Variants in CLTCL1 observed in about 807,000 individuals in gnomAD.
CLTCL1 encodes the protein clathrin heavy chain like 1.
In CLTCL1, 159 loss-of-function variants were observed where a neutral mutation model predicts 190.0. That is an observed-to-expected ratio of 0.84 (90% confidence interval 0.74 to 0.95). CLTCL1 has a LOEUF of 0.95. Among genes scored for constraint, CLTCL1 ranks in the 40% least tolerant of loss-of-function variants. The pLI, the probability that CLTCL1 is intolerant of heterozygous loss-of-function variation, is 0.00. For synonymous variants in CLTCL1, 752 were observed against 769.6 expected (o/e 0.98, Z 0.38); for missense variants, 1,878 against 2,033.4 (o/e 0.92, Z 1.47).
chr22:19,257,884 C>T, intron 2 of CLTCL1: 1 of 1,389,202 alleles, frequency 7.2e-7, no homozygotes, highest in South Asian at 1.1e-5. Flanking sequence ...AAGAAGAGAC[C>T]CCAGGTCAGA....
In CLTCL1 at chr22:19,209,062, C is replaced by T. The variant is rs1555944906; in HGVS notation, c.3302G>A (p.Arg1101Lys). The T allele has an allele frequency of 6.2e-7, 1 of 1,609,890 alleles. No homozygotes were observed. The highest frequency in any genetic ancestry group is 8.5e-7 in the Non-Finnish European group (1 of 1,178,008). The stretch of plus-strand genomic sequence containing the variant: ...ACTCCACACAGCAGGCTCATTGCAT[C>T]TCTCCGCAAACTCATATGCCCGGTC... ...NLDRAYEFAE[R>K]CNEPAVWSQL... Residue 1101 changes from arginine to lysine, a missense_variant, in exon 21 of 33, where the codon AGA (arginine) becomes AAA (lysine). Physicochemically the swap from Arg to Lys is conservative, Grantham distance 26. Coordinates refer to ENST00000427926, the MANE Select transcript of CLTCL1 (RefSeq NM_007098.4).
chr22:19,281,159 G>A (rs1555986436), intron 1 of CLTCL1, among the ~76,000 whole-genome samples: 1 of 151,870 alleles, frequency 6.6e-6, no homozygotes, highest in Non-Finnish European at 1.5e-5. Flanking sequence ...GCCAGGCATG[G>A]TGGTGGGTGC....
rs535331901 is a variant in CLTCL1 at position 19,279,731 on chromosome 22, T to C, written c.43-3901A>G. 2.6e-5 allele frequency among the ~76,000 whole-genome samples: 4 copies of C among 152,372 alleles called. No homozygotes were observed. In the South Asian group the frequency reaches 8.3e-4, roughly 32 times the overall value. On this transcript the variant is annotated intron_variant, in intron 1 of 32. Transcript: ENST00000427926. ...AAGCCTTTTATCTGTGGCATGCTTATAGAATAGAGAGCTTTGCGCTTTGTG... is the reference window on the plus strand; with the variant it reads ...AAGCCTTTTATCTGTGGCATGCTTACAGAATAGAGAGCTTTGCGCTTTGTG...
At chr22:19,215,982 G>T in intron 19 of CLTCL1, 129 bp downstream of exon 19, 1 of 776,170 alleles carries the variant, frequency 1.3e-6, no homozygotes, top group Non-Finnish European at 2.1e-6. Flanking sequence ...TAAGAAGATT[G>T]GCATGTCTGG....
chr22:19,231,103 G>A (rs1444419684), intron 10 of CLTCL1, among the ~76,000 whole-genome samples: 1 of 152,110 alleles, frequency 6.6e-6, no homozygotes, highest in Admixed American at 6.5e-5. Flanking sequence ...CAGCTTCCCT[G>A]GTTCTGAGGC....
Position 19,291,709 on chromosome 22 carries a change from T to A in CLTCL1, c.-68A>T. The A allele has an allele frequency of 7.7e-7, 1 of 1,296,266 alleles. No individual in the cohort carries two copies. Among genetic ancestry groups the A allele is most frequent in the Non-Finnish European group, 9.9e-7 (1 of 1,014,638 alleles). 80.3% of individuals were successfully genotyped at this position (1,296,266 alleles called of 1,614,324 possible). On this transcript the variant is annotated 5_prime_UTR_variant, in exon 1 of 33. Coordinates refer to ENST00000427926, the MANE Select transcript of CLTCL1 (RefSeq NM_007098.4). Reference sequence around the variant, plus strand: ...ATGAACGCCGACCCCTCGCGCGGGCTGACCGGTGGCGACGGCGCAGGCGCA... The same window carrying A: ...ATGAACGCCGACCCCTCGCGCGGGCAGACCGGTGGCGACGGCGCAGGCGCA...
chr22:19,193,279 G>A (rs16983519), intron 26 of CLTCL1, among the ~76,000 whole-genome samples: 7,333 of 152,298 alleles, frequency 0.048, 614 homozygotes, highest in African/African-American at 0.17. Flanking sequence ...CCGGAATGCC[G>A]TTTAAGGTGG....
At chr22:19,290,030 C>G (rs1474970164) in intron 1 of CLTCL1, among the ~76,000 whole-genome samples, 1 of 152,188 alleles carries the variant, frequency 6.6e-6, no homozygotes. Context: ...GACCACAAAC[C>G]AGACTTGCAT....
At chr22:19,230,324 G>A (rs577860525) in intron 10 of CLTCL1, among the ~76,000 whole-genome samples, 3 of 152,050 alleles carry the variant, frequency 2.0e-5, no homozygotes, top group South Asian at 4.2e-4. Context: ...GGCTGGTCTC[G>A]AACTCCCGAC....
At chr22:19,184,238 C>A in intron 29 of CLTCL1, 1 of 329,106 alleles carries the variant, frequency 3.0e-6, no homozygotes, top group East Asian at 8.3e-5. Flanking sequence ...TATTAGTACC[C>A]CATTCAGAGA....
At position 19,234,499 on chromosome 22, in the gene CLTCL1, G is replaced by A. The variant is rs781784753; in HGVS notation, c.1167+10C>T. 6.2e-7 allele frequency: 1 copy of A among 1,605,674 alleles called. No individual in the cohort carries two copies. Among genetic ancestry groups the A allele is most frequent in the Non-Finnish European group, 8.5e-7 (1 of 1,175,366 alleles). ...CTCAGAACACTTGAACAGTATTCAA[G>A]GTTTATCACCTTTGGTGCAGACGCT... is the stretch of plus-strand genomic sequence containing the variant. On this transcript the variant is annotated intron_variant, in intron 7 of 32. Coordinates refer to ENST00000427926, the MANE Select transcript of CLTCL1 (RefSeq NM_007098.4).
chr22:19,280,368 G>A (rs149477851), intron 1 of CLTCL1, among the ~76,000 whole-genome samples: 293 of 151,888 alleles, frequency 1.9e-3, no homozygotes, highest in African/African-American at 6.7e-3. Flanking sequence ...TGTTATTAGA[G>A]TTAAAAAATA....
intron 4 of CLTCL1, 41 bp from the exon 5 acceptor site, chr22:19,239,429 G>A: frequency 6.8e-7 from 1 of 1,473,824 alleles, no homozygotes; most frequent in Non-Finnish European, 9.5e-7. Flanking sequence ...GACCGCCTGT[G>A]GTGGTGGGCA....
chr22:19,221,649 A>T, intron 16 of CLTCL1, 38 bp from the exon 17 acceptor site: 2 of 1,501,100 alleles, frequency 1.3e-6, no homozygotes, highest in Non-Finnish European at 1.8e-6. Flanking sequence ...TCTCAAGGCT[A>T]CCACTGGAAG....
intron 2 of CLTCL1, among the ~76,000 whole-genome samples, chr22:19,269,799 G>C (rs1222257505): frequency 1.3e-5 from 2 of 152,192 alleles, no homozygotes; most frequent in Admixed American, 6.6e-5. Flanking sequence ...GGGGCGAAGA[G>C]AGAGAGAGCA....
At chr22:19,188,196 G>T in intron 27 of CLTCL1, 105 bp from the exon 28 acceptor site, 1 of 995,782 alleles carries the variant, frequency 1.0e-6, no homozygotes, top group Non-Finnish European at 1.6e-6. Context: ...GAATGGTCCA[G>T]CTCTGGAGCC....
intron 27 of CLTCL1, among the ~76,000 whole-genome samples, chr22:19,190,997 C>T (rs192249190): frequency 2.1e-3 from 322 of 152,074 alleles, no homozygotes; most frequent in African/African-American, 7.4e-3. Flanking sequence ...AGGGTGGTCT[C>T]GATCTCCTGA....
At chr22:19,201,035 A>G in intron 23 of CLTCL1, among the ~76,000 whole-genome samples, 1 of 152,238 alleles carries the variant, frequency 6.6e-6, no homozygotes, top group Non-Finnish European at 1.5e-5. Flanking sequence ...ATGTAAATTT[A>G]CACTGATTAT....
chr22:19,196,705 G>A (rs1328612252), intron 24 of CLTCL1, 49 bp from the exon 25 acceptor site: 2 of 1,573,330 alleles, frequency 1.3e-6, no homozygotes. Flanking sequence ...CATGCCTCCT[G>A]CAGCCACCCT....
Sources: gnomAD v4.1 joint callset for allele counts (sites outside exome capture counted in the v4.1 genomes callset) on GRCh38, gnomAD v4.1.1 for gene constraint, MANE v1.5 for transcripts, NCBI Gene and HGNC (gene_info 2026-07-23, HGNC 2026-07-21) for gene names.